DOCK4: variants seen among roughly 807,000 people sequenced by gnomAD.
DOCK4 encodes dedicator of cytokinesis 4.
Under a neutral mutation model 268.1 loss-of-function variants are expected in DOCK4, and 97 were observed. The ratio of observed to expected loss-of-function variants is 0.36; its 90% CI spans 0.31 to 0.43. The LOEUF (loss-of-function observed/expected upper bound fraction) is 0.43, where lower values mean the gene tolerates loss of function less well. Among genes scored for constraint, DOCK4 ranks in the 20% least tolerant of loss-of-function variants. DOCK4 has a pLI of 1.00. For synonymous variants in DOCK4, 954 were observed against 887.2 expected (o/e 1.08, Z -1.34); for missense variants, 2,145 against 2,455.7 (o/e 0.87, Z 2.67).
intron 1 of DOCK4, among the ~76,000 whole-genome samples, chr7:112,090,970 C>G (rs1469916918): frequency 6.6e-6 from 1 of 152,184 alleles, no homozygotes; most frequent in African/African-American, 2.4e-5. Flanking sequence ...GGCTCACATT[C>G]ACCAAACACC....
chr7:111,846,816 G>A (rs1051702237), intron 24 of DOCK4, among the ~76,000 whole-genome samples, 183 bp downstream of exon 24: 31 of 152,108 alleles, frequency 2.0e-4, no homozygotes, highest in African/African-American at 7.2e-4. Flanking sequence ...GTTATTTGGG[G>A]TTACAGAATC....
At chr7:112,025,331 T>C (rs1203644413) in intron 1 of DOCK4, among the ~76,000 whole-genome samples, 4 of 152,208 alleles carry the variant, frequency 2.6e-5, no homozygotes, top group African/African-American at 9.7e-5. Context: ...CAAGATTCCC[T>C]GGATGAGGAC....
intron 30 of DOCK4, among the ~76,000 whole-genome samples, chr7:111,792,275 G>C (rs1799600308): frequency 6.6e-6 from 1 of 152,228 alleles, no homozygotes; most frequent in East Asian, 1.9e-4. Context: ...TTACAAGTTG[G>C]GAGGCTGAGC....
chr7:111,734,263 C>T (rs1795314571), intron 51 of DOCK4, among the ~76,000 whole-genome samples: 1 of 151,888 alleles, frequency 6.6e-6, no homozygotes, highest in East Asian at 1.9e-4. Context: ...GCAGTGGTGC[C>T]ATCTTGGTTC....
At chr7:111,832,002 C>T (rs1465277656) in intron 26 of DOCK4, among the ~76,000 whole-genome samples, 5 of 152,268 alleles carry the variant, frequency 3.3e-5, no homozygotes, top group East Asian at 3.9e-4. Context: ...TCTAAGGATA[C>T]AGCAGTGAGC....
chr7:112,026,684 T>C (rs978015729), intron 1 of DOCK4, among the ~76,000 whole-genome samples: 14 of 152,252 alleles, frequency 9.2e-5, no homozygotes, highest in African/African-American at 3.1e-4. Context: ...ACTACATTCA[T>C]GCATTGACCT....
At chr7:112,040,814 T>TA (rs1410738430) in intron 1 of DOCK4, among the ~76,000 whole-genome samples, 7 of 152,180 alleles carry the variant, frequency 4.6e-5, no homozygotes, top group Middle Eastern at 3.2e-3. Flanking sequence ...ATTACTCCAT[T>TA]AAAAAAAGTG....
chr7:112,080,137 T>C (rs1808449644), intron 1 of DOCK4, among the ~76,000 whole-genome samples: 1 of 152,092 alleles, frequency 6.6e-6, no homozygotes, highest in South Asian at 2.1e-4. Flanking sequence ...AATTTACCTA[T>C]CAGGTAAATA....
intron 16 of DOCK4, among the ~76,000 whole-genome samples, chr7:111,891,128 A>C (rs967560153): frequency 1.3e-5 from 2 of 152,148 alleles, no homozygotes; most frequent in Non-Finnish European, 2.9e-5. Context: ...CCAGAATTAA[A>C]TAGTATAAAA....
At chr7:112,055,461 T>C (rs1805727756) in intron 1 of DOCK4, among the ~76,000 whole-genome samples, 1 of 152,122 alleles carries the variant, frequency 6.6e-6, no homozygotes, top group African/African-American at 2.4e-5. Flanking sequence ...AGAAAACCCA[T>C]GCAGATGTGG....
intron 1 of DOCK4, among the ~76,000 whole-genome samples, chr7:112,079,096 C>T (rs1486829971): frequency 6.6e-6 from 1 of 152,180 alleles, no homozygotes; most frequent in Non-Finnish European, 1.5e-5. Context: ...CACTGCACTT[C>T]AGCCTGGGCA....
chr7:111,945,862 T>C (rs1795578816), intron 8 of DOCK4, 64 bp from the exon 9 acceptor site: 2 of 1,239,290 alleles, frequency 1.6e-6, no homozygotes, highest in Non-Finnish European at 1.1e-6. Flanking sequence ...TATCCCTCTG[T>C]AACTACTCTT....
chr7:112,021,209 T>C (rs1802290467), intron 1 of DOCK4, among the ~76,000 whole-genome samples: 1 of 152,228 alleles, frequency 6.6e-6, no homozygotes, highest in African/African-American at 2.4e-5. Context: ...CCAATGAATA[T>C]GAGGAGCTTT....
intron 1 of DOCK4, among the ~76,000 whole-genome samples, chr7:112,051,496 G>A (rs574760962): frequency 2.0e-5 from 3 of 152,164 alleles, no homozygotes; most frequent in South Asian, 4.2e-4. Flanking sequence ...GAGAAAAATG[G>A]AGTTAGGGGA....
At chr7:111,754,561 T>C (rs2133544514) in intron 42 of DOCK4, among the ~76,000 whole-genome samples, 1 of 152,278 alleles carries the variant, frequency 6.6e-6, no homozygotes, top group South Asian at 2.1e-4. Context: ...ATTTCTGCAG[T>C]GAAACAAATG....
intron 32 of DOCK4, among the ~76,000 whole-genome samples, chr7:111,787,632 T>C (rs1023950496): frequency 2.6e-5 from 4 of 152,208 alleles, no homozygotes; most frequent in Non-Finnish European, 5.9e-5. Context: ...TCACTAATTA[T>C]ATTCTTCAAG....
chr7:112,135,349 T>C (rs1158212806), intron 1 of DOCK4, among the ~76,000 whole-genome samples: 1 of 152,340 alleles, frequency 6.6e-6, no homozygotes, highest in African/African-American at 2.4e-5. Context: ...ACTAAGCATC[T>C]ATCTATTCTT....
At chr7:111,870,944 C>T (rs58018603) in intron 20 of DOCK4, among the ~76,000 whole-genome samples, 1 of 152,180 alleles carries the variant, frequency 6.6e-6, no homozygotes, top group East Asian at 1.9e-4. Flanking sequence ...CAAAACTATT[C>T]CTGCGGTTGC....
chr7:111,733,382 C>T (rs1223293930), intron 51 of DOCK4, among the ~76,000 whole-genome samples: 5 of 152,206 alleles, frequency 3.3e-5, no homozygotes, highest in Non-Finnish European at 7.3e-5. Context: ...CATGATCACA[C>T]TGGTAGTGTG....
Sources: gnomAD v4.1 joint callset for allele counts (sites outside exome capture counted in the v4.1 genomes callset) on GRCh38, gnomAD v4.1.1 for gene constraint, MANE v1.5 for transcripts, NCBI Gene and HGNC (gene_info 2026-07-23, HGNC 2026-07-21) for gene names.